The following PDZD2 variants were observed in gnomAD, a reference collection of about 807,000 sequenced individuals.
PDZD2 encodes PDZ domain-containing protein 2.
Under a neutral mutation model 220.7 loss-of-function variants are expected in PDZD2, and 90 were observed. That is an observed-to-expected ratio of 0.41 (90% confidence interval 0.34 to 0.49). The LOEUF (loss-of-function observed/expected upper bound fraction) is 0.49. Ranked by LOEUF, PDZD2 falls within the 20% of genes least tolerant of loss-of-function variation. The pLI, the probability that PDZD2 is intolerant of heterozygous loss-of-function variation, is 0.28. For missense variants in PDZD2, 3,174 were observed against 3,608.5 expected, an observed-to-expected ratio of 0.88 and a Z score of 3.08; for synonymous variants, 1,375 against 1,450.5, an observed-to-expected ratio of 0.95 and a Z score of 1.18.
At chr5:31,925,701 C>T (rs1359799386) in intron 2 of PDZD2, among the ~76,000 whole-genome samples, 2 of 151,410 alleles carry the variant, frequency 1.3e-5, no homozygotes, top group South Asian at 2.1e-4. Context: ...TATTTGCAAA[C>T]TCTGTTTCCA....
At chr5:31,650,850 C>G (rs1360379235) in intron 1 of PDZD2, among the ~76,000 whole-genome samples, 1 of 152,158 alleles carries the variant, frequency 6.6e-6, no homozygotes, top group African/African-American at 2.4e-5. Context: ...GCGTTTCTTC[C>G]TAGCTGATAA....
intron 6 of PDZD2, among the ~76,000 whole-genome samples, chr5:32,012,026 A>G (rs1484787544): frequency 6.6e-6 from 1 of 152,190 alleles, no homozygotes; most frequent in Non-Finnish European, 1.5e-5. Flanking sequence ...AAGAAGGGAA[A>G]TGATGTGGCG....
At chr5:31,854,993 G>A (rs1433917398) in intron 2 of PDZD2, 2 of 985,332 alleles carry the variant, frequency 2.0e-6, no homozygotes, top group Non-Finnish European at 2.4e-6. Flanking sequence ...GTTCCAGGAG[G>A]GCAGCTGGCA....
At chr5:31,947,039 A>G (rs2111575407) in intron 2 of PDZD2, among the ~76,000 whole-genome samples, 1 of 152,290 alleles carries the variant, frequency 6.6e-6, no homozygotes, top group African/African-American at 2.4e-5. Context: ...TTTGGAAACC[A>G]CCACTGTAGA....
At chr5:32,059,413 C>A in intron 13 of PDZD2, 57 bp downstream of exon 13, 2 of 846,442 alleles carry the variant, frequency 2.4e-6, no homozygotes, top group South Asian at 1.6e-5. Context: ...ATGAAATATA[C>A]ACGTGTGATA....
chr5:31,942,881 T>G (rs1228529907), intron 2 of PDZD2, among the ~76,000 whole-genome samples: 1 of 152,186 alleles, frequency 6.6e-6, no homozygotes, highest in Non-Finnish European at 1.5e-5. Context: ...CAGAACAGTC[T>G]AAGATGCTTC....
chr5:31,675,213 T>C (rs982194253), intron 1 of PDZD2, among the ~76,000 whole-genome samples: 1 of 152,224 alleles, frequency 6.6e-6, no homozygotes. Context: ...GCACTTTTGC[T>C]CTCATTGTGC....
At chr5:31,818,631 C>T (rs1423591562) in intron 2 of PDZD2, among the ~76,000 whole-genome samples, 2 of 152,154 alleles carry the variant, frequency 1.3e-5, no homozygotes, top group African/African-American at 4.8e-5. Flanking sequence ...TTTGCAAGCT[C>T]TCTGTGGCTC....
chr5:31,993,716 C>T (rs6860464), intron 3 of PDZD2, among the ~76,000 whole-genome samples: 13,851 of 152,172 alleles, frequency 0.091, 642 homozygotes, highest in African/African-American at 0.11. Flanking sequence ...TCATTTGTTT[C>T]ATATGAAGAT....
intron 2 of PDZD2, chr5:31,840,828 T>C (rs1311607168): frequency 1.3e-6 from 1 of 749,908 alleles, no homozygotes; most frequent in Admixed American, 1.7e-5. Flanking sequence ...CGTTCCTTTT[T>C]GAACAGTACC....
chr5:32,005,606 G>T (rs16901737), intron 5 of PDZD2, among the ~76,000 whole-genome samples: 1 of 151,816 alleles, frequency 6.6e-6, no homozygotes, highest in South Asian at 2.1e-4. Context: ...TAACTGGAGT[G>T]TCCTTCCAGC....
chr5:31,858,152 G>A (rs536658109), intron 2 of PDZD2, among the ~76,000 whole-genome samples: 7 of 152,060 alleles, frequency 4.6e-5, no homozygotes, highest in East Asian at 1.9e-4. Context: ...TAGTAGAGGC[G>A]GGGTTTCACC....
At chr5:32,003,014 CACCACAT>C (rs1183591947) in intron 5 of PDZD2, among the ~76,000 whole-genome samples, 3 of 141,648 alleles carry the variant, frequency 2.1e-5, no homozygotes, top group Non-Finnish European at 4.6e-5. Context: ...ACACACCACA[CACCACAT>C]ACCACATGCA....
intron 2 of PDZD2, chr5:31,843,711 G>A (rs1757445054): frequency 6.6e-6 from 1 of 152,076 alleles, no homozygotes; most frequent in Admixed American, 6.6e-5. Context: ...GTCCTAACAG[G>A]GTCACAGCTC....
Position 32,000,094 on chromosome 5 carries a change from A to G in PDZD2, c.1122-45A>G. 1 of 1,604,036 alleles carries G rather than the reference A, an allele frequency of 6.2e-7. No homozygotes were observed. Among genetic ancestry groups the G allele is most frequent in the Non-Finnish European group, 8.5e-7 (1 of 1,172,404 alleles). On this transcript the variant is annotated intron_variant, in intron 4 of 24. Coordinates refer to ENST00000438447, the MANE Select transcript of PDZD2 (RefSeq NM_178140.4). The surrounding 1 kb of genome is among the most constrained non-coding windows in gnomAD (Gnocchi z 4.5). ...CCAGAAAATGGCCCTTCTCAGGCCC[A>G]GAATGTCTTGACAAGGGATCTTTTT...
intron 1 of PDZD2, among the ~76,000 whole-genome samples, chr5:31,779,481 C>T (rs1356165430): frequency 1.4e-5 from 2 of 139,192 alleles, no homozygotes; most frequent in Non-Finnish European, 3.0e-5. Flanking sequence ...TCACGCCATT[C>T]TCCTGCCTCA....
chr5:31,723,277 TG>T (rs1561408031), intron 1 of PDZD2, among the ~76,000 whole-genome samples: 1 of 152,030 alleles, frequency 6.6e-6, no homozygotes, highest in Non-Finnish European at 1.5e-5. Flanking sequence ...CATTTCTCCA[TG>T]ATAATTCTTA....
intron 1 of PDZD2, among the ~76,000 whole-genome samples, chr5:31,694,859 C>T (rs1410846126): frequency 2.6e-5 from 4 of 150,994 alleles, no homozygotes; most frequent in African/African-American, 7.3e-5. Context: ...TGCAGTGGCT[C>T]ACGCCTGTAA....
intron 2 of PDZD2, among the ~76,000 whole-genome samples, chr5:31,957,342 A>AAG (rs1350037737): frequency 6.6e-6 from 1 of 152,222 alleles, no homozygotes; most frequent in Non-Finnish European, 1.5e-5. Context: ...CTAGGAATTT[A>AAG]ATCTAGCACA....
Sources: gnomAD v4.1 joint callset for allele counts (sites outside exome capture counted in the v4.1 genomes callset) on GRCh38, gnomAD v4.1.1 for gene constraint, Gnocchi (gnomAD v3.1) non-coding constraint, MANE v1.5 for transcripts, NCBI Gene and HGNC (gene_info 2026-07-23, HGNC 2026-07-21) for gene names.